The following ME1 variants were observed in gnomAD, a reference collection of about 807,000 sequenced individuals.
ME1 encodes malic enzyme 1.
Under a neutral mutation model 66.4 loss-of-function variants are expected in ME1, and 74 were observed. The observed-to-expected ratio is 1.11, with a 90% CI of 0.92 to 1.35. The LOEUF is 1.35. Ranked by LOEUF, ME1 falls within the 40% of genes most tolerant of loss-of-function variation. The pLI, the probability that ME1 is intolerant of heterozygous loss-of-function variation, is 0.00. For synonymous variants in ME1, 251 were observed against 235.6 expected, an observed-to-expected ratio of 1.07 and a Z score of -0.60; for missense variants, 750 against 694.1, an observed-to-expected ratio of 1.08 and a Z score of -0.90.
chr6:83,259,392 A>G (rs537980414), intron 6 of ME1, among the ~76,000 whole-genome samples: 1 of 152,294 alleles, frequency 6.6e-6, no homozygotes, highest in East Asian at 1.9e-4. Context: ...GCAGTGGCAC[A>G]CTGATCACTA....
At chr6:83,239,496 T>C in intron 8 of ME1, 43 bp downstream of exon 8, 2 of 1,311,360 alleles carry the variant, frequency 1.5e-6, no homozygotes, top group Non-Finnish European at 2.2e-6. Context: ...ACACTAATTA[T>C]ATGTTAGTTT....
At position 83,253,669 on chromosome 6, in the gene ME1, C is replaced by A; in HGVS notation, c.774G>T (p.Lys258Asn). Residue 258 changes from lysine to asparagine, a missense_variant, in exon 7 of 14, where the codon AAG (lysine) becomes AAT (asparagine). Transcript: ENST00000369705. ...TGAATGTGCAATACTGGTTTCGATA[C>A]TTGTTCAGGAGACGAAATGCATTCA... ...ANVNAFRLLN[K>N]YRNQYCTFND... 1 of 1,612,022 alleles carries A rather than the reference C, an allele frequency of 6.2e-7. No individual in the cohort carries two copies. Among genetic ancestry groups the A allele is most frequent in the Non-Finnish European group, 8.5e-7 (1 of 1,178,584 alleles).
In ME1 at chr6:83,228,833, G is replaced by A. The variant is rs1790246988; in HGVS notation, c.1125C>T (p.Ala375=). 1.2e-6 allele frequency: 2 copies of A among 1,604,668 alleles called. No homozygotes were observed. Among genetic ancestry groups the A allele is most frequent in the African/African-American group, 1.3e-5 (1 of 74,358 alleles). ...EAIVQEIKPT[A]LIGVAAIGGA... is the part of the protein sequence containing the mutation. ...AGAGGAGAAAATGCTTACCTATGAG[G>A]GCAGTTGGTTTTATTTCTTGAACAA... The change falls in exon 10 of 14, where the codon GCC becomes GCT. Residue 375 remains alanine (A), a synonymous_variant. Coordinates refer to ENST00000369705, the MANE Select transcript of ME1 (RefSeq NM_002395.6).
intron 6 of ME1, among the ~76,000 whole-genome samples, chr6:83,283,096 C>T (rs113015495): frequency 0.016 from 2,364 of 149,230 alleles, 66 homozygotes; most frequent in East Asian, 0.058. Context: ...GGCGTGGTAG[C>T]GGGCGCCTGT....
At chr6:83,298,324 C>CT (rs1767640811) in intron 6 of ME1, among the ~76,000 whole-genome samples, 1 of 151,992 alleles carries the variant, frequency 6.6e-6, no homozygotes, top group Non-Finnish European at 1.5e-5. Flanking sequence ...TGATGTTGAG[C>CT]TTTTTTTCAT....
chr6:83,403,253 A>T (rs1211351709), intron 2 of ME1, among the ~76,000 whole-genome samples: 1 of 152,134 alleles, frequency 6.6e-6, no homozygotes, highest in Non-Finnish European at 1.5e-5. Context: ...ATTTGAGGAG[A>T]TTCATATGGG....
chr6:83,365,657 C>T (rs1769089672), intron 3 of ME1, among the ~76,000 whole-genome samples: 1 of 152,186 alleles, frequency 6.6e-6, no homozygotes. Context: ...GCCAGGAGTT[C>T]CTTACTAGCT....
intron 8 of ME1, among the ~76,000 whole-genome samples, chr6:83,238,441 T>A (rs1327489630): frequency 2.0e-5 from 3 of 152,152 alleles, no homozygotes; most frequent in Non-Finnish European, 4.4e-5. Flanking sequence ...CCATGAATTC[T>A]TCTGCCTAGT....
rs538043129 is a variant in ME1, at chr6:83,252,379, G to A, written c.814+1250C>T. Among the ~76,000 whole-genome samples the A allele has an allele frequency of 2.6e-5, 4 of 151,960 alleles. No homozygotes were observed. In the East Asian group the frequency reaches 7.8e-4, roughly 29 times the overall value. On this transcript the variant is annotated intron_variant, in intron 7 of 13. Coordinates refer to ENST00000369705, the MANE Select transcript of ME1 (RefSeq NM_002395.6). ...CATGATCATGGCTTACTGCAACTTC[G>A]ACCTCCTGGGCTCAAGGGATTCAAT...
intron 13 of ME1, among the ~76,000 whole-genome samples, chr6:83,214,152 C>T (rs1789949388): frequency 6.6e-6 from 1 of 152,212 alleles, no homozygotes; most frequent in African/African-American, 2.4e-5. Flanking sequence ...AAAGATCCCT[C>T]ATGCCTACTT....
In ME1 at chr6:83,382,202, T is replaced by C. The variant is rs1321721474; in HGVS notation, c.362+16165A>G. Among the ~76,000 whole-genome samples, 3 of 152,148 alleles carry C rather than the reference T, an allele frequency of 2.0e-5. No homozygotes were observed. In the East Asian group the frequency reaches 5.8e-4, roughly 29 times the overall value. On this transcript the variant is annotated intron_variant, in intron 3 of 13. Transcript: ENST00000369705. The stretch of plus-strand genomic sequence containing the variant: ...CTTCATAACACAAACAGTACTCATG[T>C]ATTTCTTTGTTCACTTGAATATTAC...
chr6:83,239,089 A>C (rs1014249440), intron 8 of ME1, among the ~76,000 whole-genome samples: 23 of 151,884 alleles, frequency 1.5e-4, no homozygotes, highest in African/African-American at 5.6e-4. Context: ...CAAATCCCTA[A>C]TTCAAAATGT....
At chr6:83,253,364 T>G (rs964147143) in intron 7 of ME1, among the ~76,000 whole-genome samples, 1 of 152,156 alleles carries the variant, frequency 6.6e-6, no homozygotes, top group African/African-American at 2.4e-5. Context: ...CATTTCATTC[T>G]TTGTTTAGCC....
At chr6:83,247,381 A>G (rs1002275170) in intron 7 of ME1, among the ~76,000 whole-genome samples, 1 of 152,172 alleles carries the variant, frequency 6.6e-6, no homozygotes, top group Non-Finnish European at 1.5e-5. Flanking sequence ...AATAATTTAT[A>G]ATGAGAATGC....
chr6:83,282,922 T>C (rs566901412), intron 6 of ME1, among the ~76,000 whole-genome samples: 4 of 152,168 alleles, frequency 2.6e-5, no homozygotes, highest in Admixed American at 1.3e-4. Context: ...TGGATTACTA[T>C]GCAGCCATAA....
intron 1 of ME1, among the ~76,000 whole-genome samples, chr6:83,427,729 T>C (rs1380698210): frequency 6.6e-6 from 1 of 152,144 alleles, no homozygotes; most frequent in Non-Finnish European, 1.5e-5. Context: ...ATACAACTTA[T>C]GGCCGGGTGC....
intron 10 of ME1, 41 bp from the exon 11 acceptor site, chr6:83,227,518 G>A (rs1295662479): frequency 1.3e-6 from 2 of 1,491,744 alleles, no homozygotes; most frequent in Non-Finnish European, 1.8e-6. Flanking sequence ...CACTATCATT[G>A]GTTAATTCAC....
At chr6:83,379,677 C>T (rs1769358537) in intron 3 of ME1, among the ~76,000 whole-genome samples, 1 of 151,916 alleles carries the variant, frequency 6.6e-6, no homozygotes, top group African/African-American at 2.4e-5. Flanking sequence ...CAGATGACAT[C>T]CATCCTTTTC....
intron 3 of ME1, among the ~76,000 whole-genome samples, chr6:83,398,097 A>G (rs916034467): frequency 6.6e-6 from 1 of 152,162 alleles, no homozygotes; most frequent in Non-Finnish European, 1.5e-5. Flanking sequence ...ATTGCTAAGG[A>G]TAATTTATTA....
Sources: allele counts gnomAD v4.1 joint callset (sites outside exome capture counted in the v4.1 genomes callset), GRCh38; gene constraint gnomAD v4.1.1; transcripts MANE v1.5; gene names NCBI Gene and HGNC (gene_info 2026-07-23, HGNC 2026-07-21).